Variants in MEIOC observed in about 807,000 individuals in gnomAD.
The protein encoded by MEIOC is meiosis-specific coiled-coil domain-containing protein MEIOC.
MEIOC carries 9 observed loss-of-function variants against 85.3 expected under a neutral mutation model. The ratio of observed to expected loss-of-function variants is 0.11; its 90% CI spans 0.06 to 0.18. The LOEUF (loss-of-function observed/expected upper bound fraction) is 0.18. Among genes scored for constraint, MEIOC ranks in the 10% least tolerant of loss-of-function variants. The probability of loss-of-function intolerance (pLI) is 1.00; values close to 1 mark genes in which losing one functional copy is unlikely to be tolerated. For missense variants in MEIOC, 898 were observed against 1,129.4 expected (o/e 0.80, Z 2.94); for synonymous variants, 365 against 393.7 (o/e 0.93, Z 0.86).
rs1971926921 is a variant in MEIOC at position 44,667,536 on chromosome 17, C to T, written c.1625C>T (p.Ala542Val). 3 of 1,613,714 alleles carry T rather than the reference C, an allele frequency of 1.9e-6. No individual in the cohort carries two copies. The highest frequency in any genetic ancestry group is 2.5e-6 in the Non-Finnish European group (3 of 1,179,818). The change falls in exon 5 of 8, where the codon GCA (alanine) becomes GTA (valine). Residue 542 changes from alanine (A) to valine (V), a missense_variant. Ala to Val is a moderately conservative substitution (Grantham distance 64, BLOSUM62 0). Coordinates refer to ENST00000409122, the MANE Select transcript of MEIOC (RefSeq NM_001145080.3). ...FQKYCQENPSAFSSFDFSYSG... is the reference protein window; with the variant it reads ...FQKYCQENPSVFSSFDFSYSG... ...AAATATTGCCAAGAAAACCCTTCAGCATTTTCTAGTTTTGATTTTAGTTAC... is the reference window on the plus strand; with the variant it reads ...AAATATTGCCAAGAAAACCCTTCAGTATTTTCTAGTTTTGATTTTAGTTAC...
chr17:44,664,445 C>G (rs1006303724), intron 3 of MEIOC, among the ~76,000 whole-genome samples: 11 of 152,098 alleles, frequency 7.2e-5, no homozygotes, highest in Non-Finnish European at 1.5e-4. Flanking sequence ...ATCCGAAATC[C>G]AGACTGATCC....
In MEIOC at chr17:44,674,034, C is replaced by CA; in HGVS notation, c.2698dup (p.Thr900AsnfsTer19). 1 of 1,551,690 alleles carries CA rather than the reference C, an allele frequency of 6.4e-7. No individual in the cohort carries two copies. Among genetic ancestry groups the CA allele is most frequent in the Non-Finnish European group, 8.7e-7 (1 of 1,146,984 alleles). On this transcript the variant is annotated frameshift_variant, in exon 8 of 8. Coordinates refer to ENST00000409122, the MANE Select transcript of MEIOC (RefSeq NM_001145080.3). LOFTEE classifies it high-confidence loss of function. ...TGTGTGTGGCTACTCGGAAAACACGCACTGCCCTGTGGTGTGCACTGCAGA... is the reference window on the plus strand; with the variant it reads ...TGTGTGTGGCTACTCGGAAAACACGCAACTGCCCTGTGGTGTGCACTGCAGA...
rs1457108593 is a variant in MEIOC at position 44,674,527 on chromosome 17, G to A, written c.*331G>A. On this transcript the variant is annotated 3_prime_UTR_variant, in exon 8 of 8. Coordinates refer to ENST00000409122, the MANE Select transcript of MEIOC (RefSeq NM_001145080.3). ...ATGCAAATGTGAAATTCTTCTAGGA[G>A]ATAAATTTCATTTAGGTTTGTCTTA... The A allele has an allele frequency of 2.9e-6, 3 of 1,030,106 alleles. No homozygotes were observed. Among genetic ancestry groups the A allele is most frequent in the Non-Finnish European group, 3.5e-6 (3 of 856,928 alleles). 63.8% of individuals were successfully genotyped at this position (1,030,106 alleles called of 1,614,324 possible). A position where few individuals can be genotyped will look rare whatever the true frequency, so the allele number is the denominator to read the frequency against.
At position 44,665,493 on chromosome 17, in the gene MEIOC, G is replaced by C; in HGVS notation, c.464+5G>C. ...ACAGCCATATTTTGCTGAAGGGTTAGTATATAATCTATATAGTATATAACA... is the reference window on the plus strand; with the variant it reads ...ACAGCCATATTTTGCTGAAGGGTTACTATATAATCTATATAGTATATAACA... On this transcript the variant is annotated splice_donor_5th_base_variant and intron_variant, in intron 4 of 7. Coordinates refer to ENST00000409122, the MANE Select transcript of MEIOC (RefSeq NM_001145080.3). The C allele has an allele frequency of 1.3e-6, 2 of 1,483,944 alleles. No homozygotes were observed. The highest frequency in any genetic ancestry group is 1.8e-6 in the Non-Finnish European group (2 of 1,091,850). The allele number at this position is 1,483,944 out of a possible 1,614,324, so 91.9% of individuals were successfully genotyped here. A position where few individuals can be genotyped will look rare whatever the true frequency, so the allele number is the denominator to read the frequency against.
At chr17:44,662,554 C>A in intron 3 of MEIOC, 83 bp downstream of exon 3, 1 of 950,654 alleles carries the variant, frequency 1.1e-6, no homozygotes, top group South Asian at 1.9e-5. Flanking sequence ...TCTCTGTTCC[C>A]TACATTATCA....
intron 2 of MEIOC, 23 bp downstream of exon 2, chr17:44,657,284 T>A (rs755519843): frequency 4.5e-6 from 7 of 1,543,814 alleles, no homozygotes; most frequent in Admixed American, 2.0e-5. Context: ...ACTCTGCCTC[T>A]GTTAGACGAT....
chr17:44,672,224 C>T (rs1361718526), intron 6 of MEIOC, among the ~76,000 whole-genome samples: 3 of 152,092 alleles, frequency 2.0e-5, no homozygotes, highest in Non-Finnish European at 2.9e-5. Flanking sequence ...TCAAATGATC[C>T]GCCCGCCTCG....
chr17:44,670,412 A>C (rs1377100375), intron 6 of MEIOC: 2 of 151,866 alleles, frequency 1.3e-5, no homozygotes, highest in African/African-American at 4.8e-5. Flanking sequence ...ATTTTTTAAA[A>C]AGCAAAAATC....
At position 44,675,750 on chromosome 17, in the gene MEIOC, T is replaced by G. The variant is rs2144680682; in HGVS notation, c.*1554T>G. The G allele has an allele frequency of 1.0e-6, 1 of 966,842 alleles. No individual in the cohort carries two copies. Among genetic ancestry groups the G allele is most frequent in the East Asian group, 1.1e-4 (1 of 8,724 alleles). 59.9% of individuals were successfully genotyped at this position (966,842 alleles called of 1,614,324 possible). On this transcript the variant is annotated 3_prime_UTR_variant, in exon 8 of 8. Coordinates refer to ENST00000409122, the MANE Select transcript of MEIOC (RefSeq NM_001145080.3). ...ACATGTTGGATGTTATAAAAACAAA[T>G]ACTGTACTGAATTTAGTCTCAGGAA...
At position 44,667,376 on chromosome 17, in the gene MEIOC, A is replaced by C. The variant is rs576420761; in HGVS notation, c.1465A>C (p.Ile489Leu). Residue 489 changes from isoleucine to leucine, a missense_variant, in exon 5 of 8, where the codon ATT (isoleucine) becomes CTT (leucine). Ile to Leu is a conservative substitution (Grantham distance 5, BLOSUM62 2). This residue lies in a region of MEIOC where 734 missense variants were observed against 860.1 expected (regional missense o/e 0.85). Coordinates refer to ENST00000409122, the MANE Select transcript of MEIOC (RefSeq NM_001145080.3). ...TGTTCAAACAAAAAATAACACTCCT[A>C]TTCCTTATCGAAATCAAGGTAACTT... Reference protein sequence around the residue: ...MNVQTKNNTPIPYRNQGNLMK... With the variant: ...MNVQTKNNTPLPYRNQGNLMK... The C allele has an allele frequency of 2.5e-6, 4 of 1,613,902 alleles. No homozygotes were observed. The South Asian group carries it at 4.4e-5, about 18-fold the overall frequency.
intron 6 of MEIOC, among the ~76,000 whole-genome samples, chr17:44,672,306 TTTATCATTTGCTCAAAATTA>T: frequency 1.3e-5 from 2 of 152,172 alleles, no homozygotes; most frequent in Non-Finnish European, 2.9e-5. Flanking sequence ...TTCTTTACTC[TTTATCATTTGCTCAAAATTA>T]TTGTCTTATT....
In MEIOC at chr17:44,667,645, G is replaced by A. The variant is rs746875013; in HGVS notation, c.1734G>A (p.Thr578=). The part of the protein sequence containing the change: ...PGEENLFKLV[T]DKKIKQPNGF... The stretch of plus-strand genomic sequence containing the variant: ...AAGAAAATCTCTTCAAATTGGTTAC[G>A]GATAAAAAAATAAAGCAGCCAAATG... Residue 578 remains threonine, a synonymous_variant, in exon 5 of 8, where the codon ACG becomes ACA. Coordinates refer to ENST00000409122, the MANE Select transcript of MEIOC (RefSeq NM_001145080.3). 2.7e-5 allele frequency: 43 copies of A among 1,612,086 alleles called. No individual in the cohort carries two copies. The highest frequency in any genetic ancestry group is 2.0e-4 in the South Asian group (18 of 90,910).
At chr17:44,669,068 T>C (rs1433448314) in intron 5 of MEIOC, among the ~76,000 whole-genome samples, 3 of 152,094 alleles carry the variant, frequency 2.0e-5, no homozygotes, top group Admixed American at 6.6e-5. Context: ...CCAGGCGTGG[T>C]GGCAGGCACC....
chr17:44,662,222 C>T, intron 2 of MEIOC, 95 bp from the exon 3 acceptor site: 1 of 976,120 alleles, frequency 1.0e-6, no homozygotes, highest in Non-Finnish European at 1.5e-6. Flanking sequence ...TCTCCCAACT[C>T]TTACATCTGT....
At chr17:44,675,893 A>AGG (rs1972068911), downstream of MEIOC, 10 of 413,448 alleles carry the variant, frequency 2.4e-5, no homozygotes, top group Admixed American at 6.4e-4. Flanking sequence ...AACTTATACT[A>AGG]AGTTTTAGAT....
chr17:44,672,244 A>G (rs1972023889), intron 6 of MEIOC, among the ~76,000 whole-genome samples: 1 of 152,090 alleles, frequency 6.6e-6, no homozygotes, highest in Admixed American at 6.6e-5. Flanking sequence ...GGCCTCCCCA[A>G]AGTGCTGGGA....
downstream of MEIOC, chr17:44,677,045 G>A: frequency 1.4e-6 from 1 of 725,244 alleles, no homozygotes; most frequent in Non-Finnish European, 1.7e-6. Context: ...CCCTTCAGGG[G>A]ACCGTGGATA....
chr17:44,664,886 A>T (rs189987540), intron 3 of MEIOC, among the ~76,000 whole-genome samples: 5 of 152,354 alleles, frequency 3.3e-5, no homozygotes, highest in African/African-American at 1.2e-4. Context: ...GGTGTCTAGG[A>T]TGACCATATC....
Position 44,656,472 on chromosome 17 carries a change from T to A in MEIOC, c.-142T>A. ...GCTCGGACTTCCCTTACCCGCACACTGGCTCCAGGCAGCGCCCGGGCGGCG... is the reference window on the plus strand; with the variant it reads ...GCTCGGACTTCCCTTACCCGCACACAGGCTCCAGGCAGCGCCCGGGCGGCG... On this transcript the variant is annotated 5_prime_UTR_variant, in exon 1 of 8. Transcript: ENST00000409122. 3 of 543,390 alleles carry A rather than the reference T, an allele frequency of 5.5e-6. No homozygotes were observed. The highest frequency in any genetic ancestry group is 8.8e-6 in the Non-Finnish European group (3 of 339,402). 33.7% of individuals were successfully genotyped at this position (543,390 alleles called of 1,614,324 possible). A position where few individuals can be genotyped will look rare whatever the true frequency, so the allele number is the denominator to read the frequency against.
Sources: allele counts gnomAD v4.1 joint callset (sites outside exome capture counted in the v4.1 genomes callset), GRCh38; gene constraint gnomAD v4.1.1; regional missense constraint gnomAD v4.1.1; transcripts MANE v1.5; gene names NCBI Gene and HGNC (gene_info 2026-07-23, HGNC 2026-07-21).